The following NSD1 variants were observed in gnomAD, a reference collection of about 807,000 sequenced individuals.
NSD1 encodes the protein histone-lysine N-methyltransferase, H3 lysine-36 specific.
A neutral mutation model predicts 242.7 loss-of-function variants in NSD1; 26 were observed. The ratio of observed to expected loss-of-function variants is 0.11; its 90% CI spans 0.08 to 0.15. NSD1 has a LOEUF of 0.15. Ranked by LOEUF, NSD1 falls within the 10% of genes least tolerant of loss-of-function variation. The pLI, the probability that NSD1 is intolerant of heterozygous loss-of-function variation, is 1.00. For synonymous variants in NSD1, 1,106 were observed against 1,178.1 expected, an observed-to-expected ratio of 0.94 and a Z score of 1.25; for missense variants, 2,495 against 3,272.8, an observed-to-expected ratio of 0.76 and a Z score of 5.80.
At chr5:177,206,724 G>A (rs1480008921) in intron 4 of NSD1, among the ~76,000 whole-genome samples, 1 of 152,098 alleles carries the variant, frequency 6.6e-6, no homozygotes, top group East Asian at 1.9e-4. Context: ...GGATGTGTCG[G>A]TTATTTTGTT....
intron 8 of NSD1, 21 bp from the exon 9 acceptor site, chr5:177,244,174 G>A (rs1766100040): frequency 6.4e-7 from 1 of 1,563,226 alleles, no homozygotes; most frequent in Non-Finnish European, 8.8e-7. Context: ...TGTAAATGGT[G>A]TTGTTTTCAC....
At chr5:177,258,535 G>A (rs1393031683) in intron 13 of NSD1, among the ~76,000 whole-genome samples, 1 of 150,372 alleles carries the variant, frequency 6.7e-6, no homozygotes, top group East Asian at 2.0e-4. Flanking sequence ...GTTGTTGTTT[G>A]TTGTTGTTTT....
intron 2 of NSD1, among the ~76,000 whole-genome samples, chr5:177,164,602 A>G (rs934453538): frequency 1.3e-5 from 2 of 152,180 alleles, no homozygotes; most frequent in Non-Finnish European, 2.9e-5. Context: ...TGAATGCTTC[A>G]TTCAAAAAAT....
rs749279127 is a variant in NSD1, at chr5:177,294,697, C to T, written c.7329C>T (p.Asp2443=). Residue 2443 remains aspartate, a synonymous_variant, in exon 23 of 23, where the codon GAC becomes GAT. Coordinates refer to ENST00000439151, the MANE Select transcript of NSD1 (RefSeq NM_022455.5). Reference sequence around the variant, plus strand: ...AAGAAAAAGCACTGAGGCCTGTGGACCAGAATACTCAGTCAAAAAATAGAG... The same window carrying T: ...AAGAAAAAGCACTGAGGCCTGTGGATCAGAATACTCAGTCAAAAAATAGAG... ...VAKEKALRPV[D]QNTQSKNRAA... 3 of 1,614,068 alleles carry T rather than the reference C, an allele frequency of 1.9e-6. No homozygotes were observed. Among genetic ancestry groups the T allele is most frequent in the African/African-American group, 2.7e-5 (2 of 74,912 alleles).
intron 17 of NSD1, among the ~76,000 whole-genome samples, chr5:177,275,765 A>G (rs999902618): frequency 5.3e-5 from 8 of 151,804 alleles, no homozygotes; most frequent in African/African-American, 9.7e-5. Context: ...CTTCTTTAGC[A>G]TAGTTGTGAA....
chr5:177,280,415 G>T (rs1758781056), intron 17 of NSD1, 150 bp from the exon 18 acceptor site: 1 of 857,958 alleles, frequency 1.2e-6, no homozygotes, highest in Non-Finnish European at 1.9e-6. Context: ...GTCAAGTGAG[G>T]CTCTGTTTTT....
At chr5:177,273,920 A>G in intron 17 of NSD1, 136 bp downstream of exon 17, 1 of 656,786 alleles carries the variant, frequency 1.5e-6, no homozygotes, top group Admixed American at 2.4e-5. Context: ...AGAAGATCAG[A>G]AATAGCCGGG....
At chr5:177,213,057 C>A (rs1022788755) in intron 5 of NSD1, among the ~76,000 whole-genome samples, 1 of 152,088 alleles carries the variant, frequency 6.6e-6, no homozygotes, top group East Asian at 1.9e-4. Flanking sequence ...TCTTAGGTGT[C>A]TTAAATTCCT....
intron 13 of NSD1, among the ~76,000 whole-genome samples, chr5:177,257,359 T>G (rs996817508): frequency 6.6e-6 from 1 of 151,492 alleles, no homozygotes; most frequent in Admixed American, 6.6e-5. Flanking sequence ...GCCTCCTGAG[T>G]AGCTGGGACT....
chr5:177,253,672 G>A (rs533044718), intron 12 of NSD1, among the ~76,000 whole-genome samples: 21 of 150,094 alleles, frequency 1.4e-4, no homozygotes, highest in South Asian at 4.2e-4. Flanking sequence ...TCTCTCTGTC[G>A]CCTAGTCTGG....
intron 5 of NSD1, among the ~76,000 whole-genome samples, chr5:177,231,362 G>A (rs1211532923): frequency 1.3e-5 from 2 of 152,218 alleles, no homozygotes; most frequent in Non-Finnish European, 2.9e-5. Flanking sequence ...TTGGATTACA[G>A]GCGTGGGCCA....
rs558302421 is a variant in NSD1 at position 177,135,870 on chromosome 5, C to G, written c.767C>G (p.Ala256Gly). 6.2e-7 allele frequency: 1 copy of G among 1,606,850 alleles called. No homozygotes were observed. Among genetic ancestry groups the G allele is most frequent in the Non-Finnish European group, 8.5e-7 (1 of 1,174,534 alleles). Residue 256 changes from alanine to glycine, a missense_variant, in exon 2 of 23, where the codon GCC (alanine) becomes GGC (glycine). By Grantham distance (60) the Ala-to-Gly change is moderately conservative. Coordinates refer to ENST00000439151, the MANE Select transcript of NSD1 (RefSeq NM_022455.5). ...AATGAAAAAGCAGCCCTTCTCCCAG[C>G]CCCCTTTTCACTAGGAGACACAAAC... The part of the protein sequence containing the change: ...GSNEKAALLP[A>G]PFSLGDTNIT...
At position 177,135,139 on chromosome 5, in the gene NSD1, T is replaced by G. The variant is rs1433725330; in HGVS notation, c.36T>G (p.Cys12Trp). Reference protein sequence around the residue: ...DQTCELPRRNCLLPFSNPVNL... With the variant: ...DQTCELPRRNWLLPFSNPVNL... ...CCTGTGAACTACCCAGAAGAAATTG[T>G]CTGCTGCCCTTTTCCAATCCAGTGA... The change falls in exon 2 of 23, where the codon TGT becomes TGG. Residue 12 changes from cysteine to tryptophan, a missense_variant. Cys to Trp is a radical substitution (Grantham distance 215, BLOSUM62 -2). Transcript: ENST00000439151. 6.2e-7 allele frequency: 1 copy of G among 1,614,106 alleles called. No individual in the cohort carries two copies. The highest frequency in any genetic ancestry group is 8.5e-7 in the Non-Finnish European group (1 of 1,180,038).
chr5:177,200,078 A>C (rs1035505847), intron 3 of NSD1, among the ~76,000 whole-genome samples: 1 of 152,106 alleles, frequency 6.6e-6, no homozygotes, highest in African/African-American at 2.4e-5. Flanking sequence ...AAAATAGACA[A>C]AACATAAATT....
At chr5:177,192,516 C>T (rs981643786) in intron 3 of NSD1, among the ~76,000 whole-genome samples, 4 of 152,150 alleles carry the variant, frequency 2.6e-5, no homozygotes, top group Non-Finnish European at 1.5e-5. Flanking sequence ...TCTGGCTCAG[C>T]CTCCTCAGTA....
intron 3 of NSD1, among the ~76,000 whole-genome samples, chr5:177,192,331 C>T (rs1251763878): frequency 6.6e-6 from 1 of 151,820 alleles, no homozygotes; most frequent in East Asian, 1.9e-4. Flanking sequence ...CTGCCTTAGC[C>T]TCCCGAGTAG....
chr5:177,242,404 G>T (rs115335109), intron 8 of NSD1, among the ~76,000 whole-genome samples: 114 of 152,148 alleles, frequency 7.5e-4, no homozygotes, highest in African/African-American at 2.6e-3. Context: ...GAGGAGAATT[G>T]CAGTCTTATG....
Position 177,300,116 on chromosome 5 carries a change from A to T in NSD1, c.*4657A>T. On this transcript the variant is annotated 3_prime_UTR_variant, in exon 23 of 23. Transcript: ENST00000439151. ...GTAAGTGAAACTCCTAGTGAAAAAGAGGGGAGCCCTGTGTTAGGAGTCCCC... is the reference window on the plus strand; with the variant it reads ...GTAAGTGAAACTCCTAGTGAAAAAGTGGGGAGCCCTGTGTTAGGAGTCCCC... 4.7e-6 allele frequency: 1 copy of T among 212,506 alleles called. No homozygotes were observed. Among genetic ancestry groups the T allele is most frequent in the East Asian group, 6.6e-5 (1 of 15,156 alleles). 13.2% of individuals were successfully genotyped at this position (212,506 alleles called of 1,614,324 possible).
At position 177,218,489 on chromosome 5, in the gene NSD1, G is replaced by C. The variant is rs555437233; in HGVS notation, c.3796+6294G>C. On this transcript the variant is annotated intron_variant, in intron 5 of 22. Coordinates refer to ENST00000439151, the MANE Select transcript of NSD1 (RefSeq NM_022455.5). ...GGGTCCTTTATTCTGTTAATGTGCTGTATTCTGTTGATTTTTTTTTTCTAT... is the reference window on the plus strand; with the variant it reads ...GGGTCCTTTATTCTGTTAATGTGCTCTATTCTGTTGATTTTTTTTTTCTAT... 4.6e-5 allele frequency among the ~76,000 whole-genome samples: 7 copies of C among 151,276 alleles called. No homozygotes were observed. In the East Asian group the frequency reaches 1.4e-3, roughly 29 times the overall value.
Sources: gnomAD v4.1 joint callset for allele counts (sites outside exome capture counted in the v4.1 genomes callset) on GRCh38, gnomAD v4.1.1 for gene constraint, MANE v1.5 for transcripts, NCBI Gene and HGNC (gene_info 2026-07-23, HGNC 2026-07-21) for gene names.